The following KCNK17 variants were observed in gnomAD, a reference collection of about 807,000 sequenced individuals.
KCNK17 encodes potassium two pore domain channel subfamily K member 17.
Under a neutral mutation model 24.6 loss-of-function variants are expected in KCNK17, and 27 were observed. That is an observed-to-expected ratio of 1.10 (90% CI 0.81 to 1.51). The LOEUF is 1.51. KCNK17 is among the 40% of genes most tolerant of loss of function. The pLI, the probability that KCNK17 is intolerant of heterozygous loss-of-function variation, is 0.00. For synonymous variants in KCNK17, 181 were observed against 189.8 expected (o/e 0.95, Z 0.38); for missense variants, 450 against 436.6 (o/e 1.03, Z -0.27).
intron 2 of KCNK17, among the ~76,000 whole-genome samples, chr6:39,308,016 G>A (rs1028045464): frequency 3.3e-5 from 5 of 152,126 alleles, no homozygotes; most frequent in Admixed American, 6.5e-5. Flanking sequence ...TACTGTATCA[G>A]CTTCAATGTT....
At chr6:39,305,052 T>A (rs115433507) in intron 2 of KCNK17, among the ~76,000 whole-genome samples, 1,603 of 152,318 alleles carry the variant, frequency 0.011, 17 homozygotes, top group African/African-American at 0.036. Context: ...TCTTAGGATC[T>A]ACTGCACCAT....
rs182672155 is a variant in KCNK17, at chr6:39,299,802, A to C, written c.689-65T>G. 1,128 of 1,498,342 alleles carry C rather than the reference A, an allele frequency of 7.5e-4. 8 individuals carry two copies. In the African/African-American group the frequency reaches 0.012, roughly 16 times the overall value. 92.8% of individuals were successfully genotyped at this position (1,498,342 alleles called of 1,614,324 possible). On this transcript the variant is annotated intron_variant, in intron 4 of 4. Transcript: ENST00000373231. ...AGTCAGGACCACATTCCCCAAACAG[A>C]AACAGAGATACATGGTTTGATTCAT...
intron 2 of KCNK17, among the ~76,000 whole-genome samples, chr6:39,307,025 G>A (rs1762050113): frequency 1.3e-5 from 2 of 152,098 alleles, no homozygotes. Context: ...GCCTCCCAAA[G>A]TGCTGGGATT....
chr6:39,304,422 G>C (rs748338603), intron 3 of KCNK17, 73 bp downstream of exon 3: 139 of 1,359,618 alleles, frequency 1.0e-4, no homozygotes, highest in Middle Eastern at 6.5e-4. Flanking sequence ...CTTGTCATTA[G>C]TAACCCCAAT....
chr6:39,299,898 C>T (rs1761921232), intron 4 of KCNK17, among the ~76,000 whole-genome samples, 161 bp from the exon 5 acceptor site: 1 of 152,188 alleles, frequency 6.6e-6, no homozygotes, highest in African/African-American at 2.4e-5. Context: ...CCGAAGGATT[C>T]CAGAAAGCCT....
At position 39,310,976 on chromosome 6, in the gene KCNK17, C is replaced by A; in HGVS notation, c.269G>T (p.Ser90Ile). Residue 90 changes from serine to isoleucine, a missense_variant, in exon 2 of 5, where the codon AGC becomes ATC. Transcript: ENST00000373231. ...DVVQAYKNGA[S>I]LLSNTTSMGR... Reference sequence around the variant, plus strand: ...CATGCTGGTGGTGTTGCTGAGGAGGCTGGCTCCGTTTTTGTATGCTTGGAC... The same window carrying A: ...CATGCTGGTGGTGTTGCTGAGGAGGATGGCTCCGTTTTTGTATGCTTGGAC... The A allele has an allele frequency of 6.2e-7, 1 of 1,606,312 alleles. No homozygotes were observed. The highest frequency in any genetic ancestry group is 8.5e-7 in the Non-Finnish European group (1 of 1,174,268).
intron 1 of KCNK17, among the ~76,000 whole-genome samples, chr6:39,313,758 T>A (rs1762203492): frequency 6.6e-6 from 1 of 151,728 alleles, no homozygotes; most frequent in Non-Finnish European, 1.5e-5. Context: ...CCTGCCGTAG[T>A]CGTCCTCGCC....
rs760568405 is a variant in KCNK17 at position 39,299,409 on chromosome 6, C to T, written c.*18G>A. The T allele has an allele frequency of 3.3e-5, 52 of 1,594,358 alleles. No homozygotes were observed. The highest frequency in any genetic ancestry group is 4.4e-5 in the Non-Finnish European group (51 of 1,165,380). ...GGGGTCTTGCTACCGAGGACGACGA[C>T]CAAAGAATGGAGTATAACTAGCTGT... On this transcript the variant is annotated 3_prime_UTR_variant, in exon 5 of 5. Transcript: ENST00000373231.
At chr6:39,311,544 T>C (rs1316289386) in intron 1 of KCNK17, among the ~76,000 whole-genome samples, 2 of 152,212 alleles carry the variant, frequency 1.3e-5, no homozygotes, top group African/African-American at 4.8e-5. Context: ...TCCTTACCTG[T>C]ATAATGGTAA....
Position 39,304,639 on chromosome 6 carries a change from G to C in KCNK17, c.369C>G (p.Ser123Arg). 6.2e-7 allele frequency: 1 copy of C among 1,612,344 alleles called. No individual in the cohort carries two copies. The highest frequency in any genetic ancestry group is 1.1e-5 in the South Asian group (1 of 91,050). Reference protein sequence around the residue: ...TITTIGYGNLSPNTMAARLFC... With the variant: ...TITTIGYGNLRPNTMAARLFC... ...AGAGGCGGGCAGCCATCGTGTTGGGGCTCAGGTTGCCATAGCCTGAGGTGA... is the reference window on the plus strand; with the variant it reads ...AGAGGCGGGCAGCCATCGTGTTGGGCCTCAGGTTGCCATAGCCTGAGGTGA... Residue 123 changes from serine to arginine, a missense_variant, in exon 3 of 5, where the codon AGC becomes AGG. Ser to Arg is a moderately radical substitution (Grantham distance 110). Coordinates refer to ENST00000373231, the MANE Select transcript of KCNK17 (RefSeq NM_031460.4).
At chr6:39,300,505 T>A (rs1426738263) in intron 4 of KCNK17, 1 of 1,551,342 alleles carries the variant, frequency 6.4e-7, no homozygotes, top group East Asian at 2.4e-5. Flanking sequence ...TTTTCTCGTA[T>A]CTGAAATGAG....
In KCNK17 at chr6:39,304,005, A is replaced by C. The variant is rs753168198; in HGVS notation, c.640T>G (p.Phe214Val). 5 of 1,613,888 alleles carry C rather than the reference A, an allele frequency of 3.1e-6. No individual in the cohort carries two copies. The South Asian group carries it at 5.5e-5, about 18-fold the overall frequency. Residue 214 changes from phenylalanine (F) to valine (V), a missense_variant, in exon 4 of 5, where the codon TTC becomes GTC. Transcript: ENST00000373231. ...EGWSYTEGFY[F>V]AFITLSTVGF... The stretch of plus-strand genomic sequence containing the variant: ...ACGGTGCTGAGGGTGATGAAGGCGA[A>C]GTAGAAGCCCTCTGTGTAGCTCCAG...
intron 2 of KCNK17, among the ~76,000 whole-genome samples, chr6:39,309,282 C>A (rs1001990057): frequency 6.6e-6 from 1 of 152,190 alleles, no homozygotes; most frequent in Non-Finnish European, 1.5e-5. Context: ...TGAGATCATG[C>A]CACTGCACTC....
chr6:39,309,289 AC>A (rs2113839424), intron 2 of KCNK17, among the ~76,000 whole-genome samples: 1 of 152,288 alleles, frequency 6.6e-6, no homozygotes, highest in East Asian at 1.9e-4. Context: ...ATGCCACTGC[AC>A]TCCAGCCTGG....
chr6:39,304,745 G>T, intron 2 of KCNK17, 90 bp from the exon 3 acceptor site: 1 of 1,400,234 alleles, frequency 7.1e-7, no homozygotes, highest in Non-Finnish European at 1.0e-6. Flanking sequence ...AACCCCCAGG[G>T]CCCTCATTCT....
rs1389836723 is a variant in KCNK17 at position 39,304,626 on chromosome 6, C to T, written c.382G>A (p.Ala128Thr). ...GYGNLSPNTM[A>T]ARLFCIFFAL... ...AAGAAGATGCAGAAGAGGCGGGCAGCCATCGTGTTGGGGCTCAGGTTGCCA... is the reference window on the plus strand; with the variant it reads ...AAGAAGATGCAGAAGAGGCGGGCAGTCATCGTGTTGGGGCTCAGGTTGCCA... The change falls in exon 3 of 5, where the codon GCT (alanine) becomes ACT (threonine). Residue 128 changes from alanine (A) to threonine (T), a missense_variant. Ala to Thr is a moderately conservative substitution (Grantham distance 58). Coordinates refer to ENST00000373231, the MANE Select transcript of KCNK17 (RefSeq NM_031460.4). 4.3e-6 allele frequency: 7 copies of T among 1,613,296 alleles called. No individual in the cohort carries two copies. In the African/African-American group the frequency reaches 9.3e-5, roughly 22 times the overall value.
intron 2 of KCNK17, 46 bp downstream of exon 2, chr6:39,310,847 G>T: frequency 7.7e-7 from 1 of 1,305,978 alleles, no homozygotes; most frequent in Non-Finnish European, 1.1e-6. Flanking sequence ...TCAGGGAGCT[G>T]CCTCCTTCCC....
chr6:39,313,457 T>C (rs1351651864), intron 1 of KCNK17, among the ~76,000 whole-genome samples: 1 of 152,160 alleles, frequency 6.6e-6, no homozygotes, highest in Non-Finnish European at 1.5e-5. Context: ...CTCTCTGCGT[T>C]GAGGGTGGCC....
intron 2 of KCNK17, among the ~76,000 whole-genome samples, chr6:39,308,897 C>A (rs1257808509): frequency 3.3e-5 from 5 of 152,232 alleles, no homozygotes; most frequent in African/African-American, 1.2e-4. Flanking sequence ...TAAGTGCATA[C>A]AGGTGTGGTC....
Sources: allele counts gnomAD v4.1 joint callset (sites outside exome capture counted in the v4.1 genomes callset), GRCh38; gene constraint gnomAD v4.1.1; transcripts MANE v1.5; gene names NCBI Gene and HGNC (gene_info 2026-07-23, HGNC 2026-07-21).